The following PMEPA1 variants were observed in gnomAD, a reference collection of about 807,000 sequenced individuals.
PMEPA1 encodes protein TMEPAI.
A neutral mutation model predicts 23.0 loss-of-function variants in PMEPA1; 11 were observed. That is an observed-to-expected ratio of 0.48 (90% CI 0.30 to 0.79). The LOEUF (loss-of-function observed/expected upper bound fraction) is 0.79, where lower values mean the gene tolerates loss of function less well. Ranked by LOEUF, PMEPA1 falls within the 30% of genes least tolerant of loss-of-function variation. The pLI, the probability that PMEPA1 is intolerant of heterozygous loss-of-function variation, is 0.06. For missense variants in PMEPA1, 377 were observed against 390.9 expected, an observed-to-expected ratio of 0.96 and a Z score of 0.30; for synonymous variants, 204 against 166.4, an observed-to-expected ratio of 1.23 and a Z score of -1.74.
intron 1 of PMEPA1, among the ~76,000 whole-genome samples, chr20:57,690,861 G>A (rs1318357446): frequency 3.3e-5 from 5 of 152,190 alleles, no homozygotes; most frequent in Non-Finnish European, 7.3e-5. Flanking sequence ...TGAGCATGCA[G>A]GTTCCTGCAC....
At chr20:57,661,552 G>T (rs973508287) in intron 1 of PMEPA1, among the ~76,000 whole-genome samples, 1 of 152,206 alleles carries the variant, frequency 6.6e-6, no homozygotes, top group Non-Finnish European at 1.5e-5. Flanking sequence ...TTCAAGCCCA[G>T]TGCCACTGAC....
rs529627424 is a variant in PMEPA1 at position 57,651,614 on chromosome 20, C to T, written c.*439G>A. The T allele has an allele frequency of 3.3e-5, 5 of 151,558 alleles. No homozygotes were observed. The East Asian group carries it at 9.7e-4, about 29-fold the overall frequency. The allele number at this position is 151,558 out of a possible 1,614,324, so 9.4% of individuals were successfully genotyped here. A position where few individuals can be genotyped will look rare whatever the true frequency, so the allele number is the denominator to read the frequency against. ...TCTTCTAATACAAAAATACTCCTGCCCTCGCACATACAGTTTCTCTTATCT... is the reference window on the plus strand; with the variant it reads ...TCTTCTAATACAAAAATACTCCTGCTCTCGCACATACAGTTTCTCTTATCT... On this transcript the variant is annotated 3_prime_UTR_variant, in exon 4 of 4. Transcript: ENST00000341744.
At chr20:57,676,344 A>G (rs1003262532) in intron 1 of PMEPA1, among the ~76,000 whole-genome samples, 9 of 152,200 alleles carry the variant, frequency 5.9e-5, no homozygotes, top group Non-Finnish European at 1.0e-4. Context: ...AGCTCTCGGA[A>G]CGCTAGCTGG....
At chr20:57,697,965 G>A (rs2071962325) in intron 1 of PMEPA1, among the ~76,000 whole-genome samples, 1 of 152,222 alleles carries the variant, frequency 6.6e-6, no homozygotes, top group African/African-American at 2.4e-5. Context: ...AGGGAATGGG[G>A]CAGAGGCTCC....
chr20:57,654,240 T>C (rs942818540), intron 2 of PMEPA1, among the ~76,000 whole-genome samples: 4 of 152,186 alleles, frequency 2.6e-5, no homozygotes, highest in African/African-American at 9.7e-5. Flanking sequence ...CATTGAAATA[T>C]AACTGATATG....
intron 1 of PMEPA1, among the ~76,000 whole-genome samples, chr20:57,681,539 C>T (rs1244808282): frequency 3.3e-5 from 5 of 152,220 alleles, no homozygotes; most frequent in Admixed American, 1.3e-4. Flanking sequence ...GGGAACGGCC[C>T]TCCCAGACCT....
intron 1 of PMEPA1, among the ~76,000 whole-genome samples, chr20:57,675,887 T>G (rs157089): frequency 0.2 from 30,335 of 152,164 alleles, 3,216 homozygotes; most frequent in South Asian, 0.28. Flanking sequence ...ATGAGTCTCT[T>G]CCTCTTTCTT....
At chr20:57,665,595 A>G (rs1403513429) in intron 1 of PMEPA1, among the ~76,000 whole-genome samples, 1 of 152,092 alleles carries the variant, frequency 6.6e-6, no homozygotes, top group Non-Finnish European at 1.5e-5. Context: ...AGCACACTCA[A>G]CTGTCACCAT....
At chr20:57,698,540 A>G (rs1187559003) in intron 1 of PMEPA1, among the ~76,000 whole-genome samples, 1 of 152,230 alleles carries the variant, frequency 6.6e-6, no homozygotes, top group Non-Finnish European at 1.5e-5. Flanking sequence ...GAAAAGAACA[A>G]AGAAATTACT....
At chr20:57,678,114 T>C (rs574421893) in intron 1 of PMEPA1, among the ~76,000 whole-genome samples, 3 of 152,294 alleles carry the variant, frequency 2.0e-5, no homozygotes, top group Admixed American at 1.3e-4. Flanking sequence ...GACTGGTGGT[T>C]ACACAAATCT....
Position 57,649,129 on chromosome 20 carries a change from T to C in PMEPA1, c.*2924A>G, listed in dbSNP as rs2071187317. On this transcript the variant is annotated 3_prime_UTR_variant, in exon 4 of 4. Transcript: ENST00000341744. ...ACGCTCGGCCTTCTCTGAACCAGGA[T>C]GGAACGGCAGACCCCTGAAACGAAG... The C allele has an allele frequency of 6.6e-6, 1 of 152,138 alleles. No individual in the cohort carries two copies. The highest frequency in any genetic ancestry group is 1.5e-5 in the Non-Finnish European group (1 of 68,028). 9.4% of individuals were successfully genotyped at this position (152,138 alleles called of 1,614,324 possible).
chr20:57,697,036 C>A (rs1196403230), intron 1 of PMEPA1, among the ~76,000 whole-genome samples: 1 of 152,212 alleles, frequency 6.6e-6, no homozygotes, highest in Non-Finnish European at 1.5e-5. Flanking sequence ...TACATGGTAG[C>A]TGAAGTGTGG....
At chr20:57,699,064 T>C (rs976652084) in intron 1 of PMEPA1, among the ~76,000 whole-genome samples, 1 of 152,204 alleles carries the variant, frequency 6.6e-6, no homozygotes, top group African/African-American at 2.4e-5. Context: ...CCATGCAAAT[T>C]CTGAGCCTCC....
intron 1 of PMEPA1, among the ~76,000 whole-genome samples, chr20:57,671,944 A>G (rs2071573733): frequency 6.6e-6 from 1 of 152,254 alleles, no homozygotes; most frequent in Admixed American, 6.5e-5. Context: ...ATTGAATCCA[A>G]TTCAGTCTGA....
intron 2 of PMEPA1, among the ~76,000 whole-genome samples, chr20:57,657,735 T>A (rs1374276268): frequency 2.0e-5 from 3 of 152,208 alleles, no homozygotes; most frequent in Admixed American, 1.3e-4. Context: ...GGGACAGGCC[T>A]TCCGGCTAGG....
intron 1 of PMEPA1, among the ~76,000 whole-genome samples, chr20:57,687,053 T>C (rs2071810561): frequency 6.6e-6 from 1 of 152,260 alleles, no homozygotes. Flanking sequence ...AAACGACTGT[T>C]CCTAATCTTC....
At position 57,704,535 on chromosome 20, in the gene PMEPA1, C is replaced by T. The variant is rs1417113635; in HGVS notation, c.109+4939G>A. Among the ~76,000 whole-genome samples, 1 of 152,230 alleles carries T rather than the reference C, an allele frequency of 6.6e-6. No individual in the cohort carries two copies. Among genetic ancestry groups the T allele is most frequent in the Non-Finnish European group, 1.5e-5 (1 of 68,042 alleles). ...ACAGAACCCGAGGCTGGCAGCAGCA[C>T]AGCCTCCGAAATTCACCGTGTAAGA... On this transcript the variant is annotated intron_variant, in intron 1 of 3. Transcript: ENST00000341744. The surrounding 1 kb of genome is among the most constrained non-coding windows in gnomAD (Gnocchi z 4.6).
At chr20:57,685,985 G>A (rs1053111277) in intron 1 of PMEPA1, among the ~76,000 whole-genome samples, 1 of 151,970 alleles carries the variant, frequency 6.6e-6, no homozygotes, top group African/African-American at 2.4e-5. Flanking sequence ...AGAAAGACAG[G>A]GTTGGAGGTG....
intron 1 of PMEPA1, among the ~76,000 whole-genome samples, chr20:57,692,828 C>T (rs141442102): frequency 6.6e-6 from 1 of 152,352 alleles, no homozygotes; most frequent in East Asian, 1.9e-4. Context: ...CAGGACAGCA[C>T]TCAGCAATGT....
Sources: allele counts gnomAD v4.1 joint callset (sites outside exome capture counted in the v4.1 genomes callset), GRCh38; gene constraint gnomAD v4.1.1; non-coding constraint Gnocchi (gnomAD v3.1); transcripts MANE v1.5; gene names NCBI Gene and HGNC (gene_info 2026-07-23, HGNC 2026-07-21).